The following SEC23IP variants were observed in gnomAD, a reference collection of about 807,000 sequenced individuals.
SEC23IP encodes the protein SEC23-interacting protein.
A neutral mutation model predicts 113.4 loss-of-function variants in SEC23IP; 70 were observed. The ratio of observed to expected loss-of-function variants is 0.62; its 90% confidence interval spans 0.51 to 0.75. The LOEUF (loss-of-function observed/expected upper bound fraction) is 0.75. SEC23IP is among the 30% of genes least tolerant of loss of function. The pLI is 0.00. For synonymous variants in SEC23IP, 398 were observed against 421.0 expected (o/e 0.95, Z 0.67); for missense variants, 1,160 against 1,204.9 (o/e 0.96, Z 0.55).
At chr10:119,911,542 C>T (rs1589831841) in intron 5 of SEC23IP, among the ~76,000 whole-genome samples, 1 of 152,180 alleles carries the variant, frequency 6.6e-6, no homozygotes, top group East Asian at 1.9e-4. Flanking sequence ...GTAGCACAAA[C>T]ACAGCTTATT....
intron 11 of SEC23IP, among the ~76,000 whole-genome samples, chr10:119,920,092 G>T (rs962642330): frequency 1.3e-5 from 2 of 152,140 alleles, no homozygotes; most frequent in Non-Finnish European, 2.9e-5. Flanking sequence ...AAAATAGGAA[G>T]TTTGAAAATA....
chr10:119,935,586 C>T (rs1465901143), intron 18 of SEC23IP, among the ~76,000 whole-genome samples: 5 of 152,314 alleles, frequency 3.3e-5, no homozygotes, highest in African/African-American at 7.2e-5. Context: ...TTCATCCATC[C>T]GTCCAGTATC....
chr10:119,909,686 T>C (rs546137447), intron 5 of SEC23IP, among the ~76,000 whole-genome samples: 1 of 152,174 alleles, frequency 6.6e-6, no homozygotes, highest in South Asian at 2.1e-4. Flanking sequence ...TGCTTTAGGC[T>C]AGGAGTTTGA....
chr10:119,905,252 AAT>A (rs1054708379), intron 4 of SEC23IP, among the ~76,000 whole-genome samples: 1 of 152,214 alleles, frequency 6.6e-6, no homozygotes, highest in Non-Finnish European at 1.5e-5. Flanking sequence ...TAAATAAACA[AAT>A]AAAGATATAT....
intron 6 of SEC23IP, among the ~76,000 whole-genome samples, chr10:119,913,221 A>G (rs1344558762): frequency 7.7e-6 from 1 of 130,694 alleles, no homozygotes; most frequent in Non-Finnish European, 1.6e-5. Flanking sequence ...CACATACCAC[A>G]TAGTATAGAT....
At chr10:119,892,986 G>A (rs1445241436) in intron 1 of SEC23IP, 41 bp downstream of exon 1, 1 of 1,583,488 alleles carries the variant, frequency 6.3e-7, no homozygotes, top group Non-Finnish European at 8.6e-7. Flanking sequence ...TGGGAGGCGG[G>A]CGGGGGACGT....
At chr10:119,904,011 C>G in intron 3 of SEC23IP, 73 bp from the exon 4 acceptor site, 1 of 1,500,986 alleles carries the variant, frequency 6.7e-7, no homozygotes, top group South Asian at 1.2e-5. Context: ...TGAGCCACTG[C>G]GCCCAGCAGA....
rs1855997176 is a variant in SEC23IP, at chr10:119,942,669, A to G, written c.*2104A>G. The G allele has an allele frequency of 6.6e-6, 1 of 152,214 alleles. No homozygotes were observed. The highest frequency in any genetic ancestry group is 2.4e-5 in the African/African-American group (1 of 41,440). The allele number at this position is 152,214 out of a possible 1,614,324, so 9.4% of individuals were successfully genotyped here. A position where few individuals can be genotyped will look rare whatever the true frequency, so the allele number is the denominator to read the frequency against. On this transcript the variant is annotated 3_prime_UTR_variant, in exon 19 of 19. Transcript: ENST00000369075. ...GTTTCATGTGTAGAGTTTGGCACAA[A>G]AAGTAAAAAGCGCCAGCATCTGAAG...
intron 18 of SEC23IP, among the ~76,000 whole-genome samples, chr10:119,936,144 C>T (rs936116670): frequency 2.0e-5 from 3 of 152,064 alleles, no homozygotes; most frequent in African/African-American, 2.4e-5. Flanking sequence ...AGATGATTTT[C>T]CAAATTTTCT....
chr10:119,915,902 T>C lies in SEC23IP; in HGVS notation c.1544+13T>C, dbSNP rs758594379. ...CAGGTGTGGACAGGTTTGTGGATTT[T>C]GATAACTTGTTTTTCAGATTAGTCA... On this transcript the variant is annotated intron_variant, in intron 8 of 18. Transcript: ENST00000369075. The C allele has an allele frequency of 6.9e-7, 1 of 1,457,114 alleles. No individual in the cohort carries two copies. The highest frequency in any genetic ancestry group is 1.6e-5 in the South Asian group (1 of 63,282). 90.3% of individuals were successfully genotyped at this position (1,457,114 alleles called of 1,614,324 possible).
rs1855402757 is a variant in SEC23IP at position 119,925,886 on chromosome 10, A to G, written c.2122-150A>G. On this transcript the variant is annotated intron_variant, in intron 12 of 18. Coordinates refer to ENST00000369075, the MANE Select transcript of SEC23IP (RefSeq NM_007190.4). ...GCTGAAGCAAAAGCTGCAGAGAATA[A>G]AAAGGCATTTTTTAAAGTAATCACA... is the stretch of plus-strand genomic sequence containing the variant. The G allele has an allele frequency of 4.3e-6, 3 of 698,704 alleles. No individual in the cohort carries two copies. The South Asian group carries it at 6.7e-5, about 16-fold the overall frequency. 43.3% of individuals were successfully genotyped at this position (698,704 alleles called of 1,614,324 possible).
At chr10:119,912,926 C>G (rs1219856276) in intron 6 of SEC23IP, among the ~76,000 whole-genome samples, 1 of 152,158 alleles carries the variant, frequency 6.6e-6, no homozygotes, top group East Asian at 1.9e-4. Flanking sequence ...TAGGTGTGAG[C>G]CACCGCACCC....
At chr10:119,901,052 G>C (rs1206319598) in intron 2 of SEC23IP, among the ~76,000 whole-genome samples, 27 of 139,844 alleles carry the variant, frequency 1.9e-4, no homozygotes, top group Admixed American at 1.4e-3. Context: ...AGTGGGGGGG[G>C]GGTCTTGCTC....
chr10:119,900,701 C>T (rs1426360366), intron 2 of SEC23IP, among the ~76,000 whole-genome samples: 2 of 152,136 alleles, frequency 1.3e-5, no homozygotes, highest in Non-Finnish European at 2.9e-5. Context: ...CTCAAGTGAT[C>T]TTCCTGCCTC....
chr10:119,911,655 C>A (rs1237496463), intron 5 of SEC23IP, among the ~76,000 whole-genome samples: 5 of 152,008 alleles, frequency 3.3e-5, no homozygotes, highest in African/African-American at 1.2e-4. Context: ...TTTAAGTTTT[C>A]TGTGGAGATG....
At chr10:119,903,202 A>G (rs1458284115) in intron 3 of SEC23IP, among the ~76,000 whole-genome samples, 193 bp downstream of exon 3, 1 of 152,202 alleles carries the variant, frequency 6.6e-6, no homozygotes, top group East Asian at 1.9e-4. Flanking sequence ...TGTTTTAGTA[A>G]TTTACTTCGT....
At chr10:119,909,811 G>A (rs1053110908) in intron 5 of SEC23IP, among the ~76,000 whole-genome samples, 1 of 152,118 alleles carries the variant, frequency 6.6e-6, no homozygotes, top group Admixed American at 6.5e-5. Context: ...GATCACTTGA[G>A]CCCAAGAGTT....
At chr10:119,927,545 C>G (rs564539052) in intron 13 of SEC23IP, among the ~76,000 whole-genome samples, 2 of 152,194 alleles carry the variant, frequency 1.3e-5, no homozygotes, top group Non-Finnish European at 2.9e-5. Flanking sequence ...CTCCTTATCT[C>G]TTAATATCAT....
chr10:119,918,512 G>A lies in SEC23IP; in HGVS notation c.1872+1G>A. ...GCAGCTACATTTTCAGGAAAAGCAG[G>A]TACGTCTGTACGTGGCCAATTAACA... On this transcript the variant is annotated splice_donor_variant, in intron 10 of 18. Coordinates refer to ENST00000369075, the MANE Select transcript of SEC23IP (RefSeq NM_007190.4). LOFTEE classifies it high-confidence loss of function. The A allele has an allele frequency of 2.0e-6, 3 of 1,530,416 alleles. No homozygotes were observed. Among genetic ancestry groups the A allele is most frequent in the Non-Finnish European group, 2.7e-6 (3 of 1,103,914 alleles). The allele number at this position is 1,530,416 out of a possible 1,614,324, so 94.8% of individuals were successfully genotyped here.
Sources: gnomAD v4.1 joint callset for allele counts (sites outside exome capture counted in the v4.1 genomes callset) on GRCh38, gnomAD v4.1.1 for gene constraint, MANE v1.5 for transcripts, NCBI Gene and HGNC (gene_info 2026-07-23, HGNC 2026-07-21) for gene names.